WDR11: variants seen among roughly 807,000 people sequenced by gnomAD.
The protein encoded by WDR11 is WD repeat-containing protein 11.
Under a neutral mutation model 151.2 loss-of-function variants are expected in WDR11, and 83 were observed. The ratio of observed to expected loss-of-function variants is 0.55; its 90% CI spans 0.46 to 0.66. The LOEUF (loss-of-function observed/expected upper bound fraction) is 0.66. WDR11 is among the 30% of genes least tolerant of loss of function. The probability of loss-of-function intolerance (pLI) is 0.00; values close to 1 mark genes in which losing one functional copy is unlikely to be tolerated. For missense variants in WDR11, 1,301 were observed against 1,480.9 expected (o/e 0.88, Z 1.99); for synonymous variants, 484 against 533.1 (o/e 0.91, Z 1.27).
chr10:120,856,575 CAAAA>C (rs71019798), intron 2 of WDR11, among the ~76,000 whole-genome samples: 1 of 101,920 alleles, frequency 9.8e-6, no homozygotes. Flanking sequence ...ACTCTGTCTC[CAAAA>C]AAAAAAAAAA....
Position 120,904,106 on chromosome 10 carries a change from A to G in WDR11, c.2991A>G (p.Thr997=), listed in dbSNP as rs114808011. Residue 997 remains threonine, a synonymous_variant, in exon 24 of 29, where the codon ACA becomes ACG. Transcript: ENST00000263461. The part of the protein sequence containing the change: ...QEVKRSTYDH[T]RKCTDQLLLL... Reference sequence around the variant, plus strand: ...TGAAACGGTCAACTTATGATCATACAAGGAAATGTACAGACCAGCTACTGC... The same window carrying G: ...TGAAACGGTCAACTTATGATCATACGAGGAAATGTACAGACCAGCTACTGC... The G allele has an allele frequency of 1.3e-3, 2,164 of 1,613,580 alleles. 33 individuals are homozygous for G. In the African/African-American group the frequency reaches 0.025, roughly 18 times the overall value.
chr10:120,866,984 A>G, intron 8 of WDR11, 82 bp from the exon 9 acceptor site: 2 of 1,221,062 alleles, frequency 1.6e-6, no homozygotes, highest in Non-Finnish European at 2.4e-6. Flanking sequence ...GAATGCCATA[A>G]TCTGGACTTA....
intron 11 of WDR11, among the ~76,000 whole-genome samples, chr10:120,875,842 A>C (rs1315408815): frequency 6.6e-6 from 1 of 151,882 alleles, no homozygotes; most frequent in East Asian, 1.9e-4. Context: ...CAGTGAAAGC[A>C]TAAGAAGTCA....
chr10:120,853,025 C>T (rs368664227), intron 2 of WDR11, among the ~76,000 whole-genome samples: 20 of 151,282 alleles, frequency 1.3e-4, no homozygotes, highest in African/African-American at 4.9e-4. Context: ...AACAGAGGAG[C>T]TGCATATTGC....
At chr10:120,859,434 A>AT (rs1846061030) in intron 3 of WDR11, among the ~76,000 whole-genome samples, 1 of 151,318 alleles carries the variant, frequency 6.6e-6, no homozygotes, top group Non-Finnish European at 1.5e-5. Flanking sequence ...CACCCAGCTA[A>AT]TTTTTTGTAT....
intron 8 of WDR11, 98 bp downstream of exon 8, chr10:120,866,862 T>TA: frequency 1.5e-6 from 2 of 1,368,920 alleles, no homozygotes; most frequent in Non-Finnish European, 1.0e-6. Flanking sequence ...TGGTTTTCTA[T>TA]AAAAATATTT....
At chr10:120,903,420 GA>G (rs1185260038) in intron 23 of WDR11, among the ~76,000 whole-genome samples, 188 bp downstream of exon 23, 1 of 151,576 alleles carries the variant, frequency 6.6e-6, no homozygotes, top group Non-Finnish European at 1.5e-5. Flanking sequence ...TGAGGGAGGA[GA>G]ATCACTTGAA....
At chr10:120,880,153 AG>A (rs1300924152) in intron 12 of WDR11, 2 of 152,238 alleles carry the variant, frequency 1.3e-5, no homozygotes, top group Non-Finnish European at 2.9e-5. Flanking sequence ...ACTTTAAATA[AG>A]TAGTTTTCGC....
At chr10:120,888,098 T>A (rs543550428) in intron 16 of WDR11, among the ~76,000 whole-genome samples, 1 of 152,196 alleles carries the variant, frequency 6.6e-6, no homozygotes, top group Non-Finnish European at 1.5e-5. Context: ...TTACCATGGA[T>A]ACCATTTGAA....
Position 120,889,863 on chromosome 10 carries a change from T to G in WDR11, c.2229-32T>G, listed in dbSNP as rs370039585. 56 of 1,428,768 alleles carry G rather than the reference T, an allele frequency of 3.9e-5. No individual in the cohort carries two copies. In the African/African-American group the frequency reaches 7.4e-4, roughly 19 times the overall value. The allele number at this position is 1,428,768 out of a possible 1,614,324, so 88.5% of individuals were successfully genotyped here. A position where few individuals can be genotyped will look rare whatever the true frequency, so the allele number is the denominator to read the frequency against. ...TCTGGTGACCAGATCTCACTCTACATTGTATTGATGTTTTTGTTTCTTTGT... is the reference window on the plus strand; with the variant it reads ...TCTGGTGACCAGATCTCACTCTACAGTGTATTGATGTTTTTGTTTCTTTGT... On this transcript the variant is annotated intron_variant, in intron 17 of 28. Transcript: ENST00000263461.
chr10:120,907,403 C>T (rs1462573321), intron 28 of WDR11: 5 of 160,976 alleles, frequency 3.1e-5, no homozygotes, highest in South Asian at 1.7e-4. Flanking sequence ...GGCACTTGAG[C>T]AACATTGGTT....
chr10:120,906,989 C>G lies in WDR11; in HGVS notation c.3517+134C>G, dbSNP rs1848078655. 4.4e-6 allele frequency: 6 copies of G among 1,369,396 alleles called. No homozygotes were observed. In the South Asian group the frequency reaches 7.3e-5, roughly 17 times the overall value. The allele number at this position is 1,369,396 out of a possible 1,614,324, so 84.8% of individuals were successfully genotyped here. A position where few individuals can be genotyped will look rare whatever the true frequency, so the allele number is the denominator to read the frequency against. Reference sequence around the variant, plus strand: ...AGATCCATGTTCTGATTTTCTGATTCACCAAAGCCAGGAAAGAGGGAGAAA... The same window carrying G: ...AGATCCATGTTCTGATTTTCTGATTGACCAAAGCCAGGAAAGAGGGAGAAA... On this transcript the variant is annotated intron_variant, in intron 28 of 28. Coordinates refer to ENST00000263461, the MANE Select transcript of WDR11 (RefSeq NM_018117.12).
chr10:120,883,934 T>A lies in WDR11; in HGVS notation c.1848+46T>A, dbSNP rs745571169. On this transcript the variant is annotated intron_variant, in intron 14 of 28. Coordinates refer to ENST00000263461, the MANE Select transcript of WDR11 (RefSeq NM_018117.12). The stretch of plus-strand genomic sequence containing the variant: ...TTAATAGCTTATTTAGGTATATATG[T>A]ATGTGGTGAATGTTTTGCTTAAGCT... 3 of 1,486,682 alleles carry A rather than the reference T, an allele frequency of 2.0e-6. No homozygotes were observed. In the African/African-American group the frequency reaches 4.2e-5, roughly 21 times the overall value. The allele number at this position is 1,486,682 out of a possible 1,614,324, so 92.1% of individuals were successfully genotyped here. A position where few individuals can be genotyped will look rare whatever the true frequency, so the allele number is the denominator to read the frequency against.
At chr10:120,893,316 C>T (rs1324101315) in intron 19 of WDR11, among the ~76,000 whole-genome samples, 3 of 152,112 alleles carry the variant, frequency 2.0e-5, no homozygotes, top group Non-Finnish European at 2.9e-5. Flanking sequence ...TTTCCAGCTT[C>T]ATCCATGTCC....
At chr10:120,861,066 G>A (rs1320173094) in intron 4 of WDR11, among the ~76,000 whole-genome samples, 2 of 152,180 alleles carry the variant, frequency 1.3e-5, no homozygotes, top group Non-Finnish European at 2.9e-5. Context: ...GAAGAATGGG[G>A]GATGAGGGCA....
intron 28 of WDR11, among the ~76,000 whole-genome samples, 194 bp downstream of exon 28, chr10:120,907,049 C>T (rs1298265975): frequency 6.6e-6 from 1 of 152,122 alleles, no homozygotes; most frequent in Non-Finnish European, 1.5e-5. Flanking sequence ...AAGGTGGCTG[C>T]ACCATGGGTG....
chr10:120,900,213 T>C (rs895989113), intron 20 of WDR11, 76 bp downstream of exon 20: 55 of 1,215,244 alleles, frequency 4.5e-5, no homozygotes, highest in African/African-American at 2.8e-4. Flanking sequence ...AGCCATGGCC[T>C]GTACTCCAGC....
chr10:120,874,235 T>TA (rs1261908505), intron 11 of WDR11, among the ~76,000 whole-genome samples: 6 of 137,538 alleles, frequency 4.4e-5, no homozygotes, highest in African/African-American at 1.3e-4. Context: ...TTGTTTTTTT[T>TA]AAATGGCAAA....
At chr10:120,862,453 T>C (rs1045589015) in intron 4 of WDR11, 2 of 284,716 alleles carry the variant, frequency 7.0e-6, no homozygotes, top group Admixed American at 9.7e-5. Context: ...CCTGAATTTA[T>C]TTAGAAGAAC....
Sources: allele counts gnomAD v4.1 joint callset (sites outside exome capture counted in the v4.1 genomes callset), GRCh38; gene constraint gnomAD v4.1.1; transcripts MANE v1.5; gene names NCBI Gene and HGNC (gene_info 2026-07-23, HGNC 2026-07-21).